Variants in GNG12 observed in about 807,000 individuals in gnomAD.
The protein encoded by GNG12 is G protein subunit gamma 12, also known as guanine nucleotide-binding protein G(I)/G(S)/G(O) subunit gamma-12.
For missense variants in GNG12, 69 were observed against 83.8 expected (o/e 0.82, Z 0.69); for synonymous variants, 28 against 29.7 (o/e 0.94, Z 0.19).
chr1:67,706,089 GAC>G (rs1156873224), intron 3 of GNG12, among the ~76,000 whole-genome samples: 1 of 152,194 alleles, frequency 6.6e-6, no homozygotes, highest in African/African-American at 2.4e-5. Context: ...GAGGGAGAGA[GAC>G]AGTGCAAGCA....
chr1:67,783,417 T>C (rs1437460227), intron 1 of GNG12, among the ~76,000 whole-genome samples: 1 of 152,132 alleles, frequency 6.6e-6, no homozygotes, highest in African/African-American at 2.4e-5. Flanking sequence ...CATACAATAA[T>C]ATCACCAGCA....
intron 2 of GNG12, among the ~76,000 whole-genome samples, chr1:67,720,117 A>T (rs1424664632): frequency 2.0e-5 from 3 of 152,194 alleles, no homozygotes; most frequent in Non-Finnish European, 4.4e-5. Flanking sequence ...CAGCTCTGAG[A>T]AGCCTGGGTG....
intron 2 of GNG12, among the ~76,000 whole-genome samples, chr1:67,737,018 G>A (rs762352878): frequency 6.6e-6 from 1 of 152,212 alleles, no homozygotes; most frequent in Non-Finnish European, 1.5e-5. Flanking sequence ...TGTGCAGCCT[G>A]AATATAAACC....
At chr1:67,738,011 A>G (rs969133465) in intron 2 of GNG12, among the ~76,000 whole-genome samples, 12 of 151,704 alleles carry the variant, frequency 7.9e-5, no homozygotes, top group African/African-American at 2.4e-4. Context: ...ATCATGTCTC[A>G]CTTCAGCCTC....
rs1435570389 is a variant in GNG12, at chr1:67,703,858, C to T, written c.*1593G>A. On this transcript the variant is annotated 3_prime_UTR_variant, in exon 4 of 4. Transcript: ENST00000370982. ...GACATTAGATTTTAAAAGGGGTTTG[C>T]TTTCCAGGACAGATTGTACAAAATT... 6.6e-6 allele frequency: 1 copy of T among 152,204 alleles called. No individual in the cohort carries two copies. The highest frequency in any genetic ancestry group is 2.4e-5 in the African/African-American group (1 of 41,456). 9.4% of individuals were successfully genotyped at this position (152,204 alleles called of 1,614,324 possible).
rs900779498 is a variant in GNG12 at position 67,701,761 on chromosome 1, T to C, written c.*3690A>G. 2 of 152,656 alleles carry C rather than the reference T, an allele frequency of 1.3e-5. No homozygotes were observed. The highest frequency in any genetic ancestry group is 4.8e-5 in the African/African-American group (2 of 41,460). The allele number at this position is 152,656 out of a possible 1,614,324, so 9.5% of individuals were successfully genotyped here. On this transcript the variant is annotated 3_prime_UTR_variant, in exon 4 of 4. Coordinates refer to ENST00000370982, the MANE Select transcript of GNG12 (RefSeq NM_018841.6). ...CAAATTTACTAAGACATCAAGAGAA[T>C]ATCTGTTTGTAGTTACATGGCTAAA...
chr1:67,756,476 G>A (rs937653841), intron 2 of GNG12, among the ~76,000 whole-genome samples: 1 of 152,204 alleles, frequency 6.6e-6, no homozygotes, highest in Admixed American at 6.5e-5. Flanking sequence ...GTTTTCAAGA[G>A]CATGTGGTGC....
chr1:67,833,050 T>A (rs1188311231), intron 1 of GNG12, among the ~76,000 whole-genome samples: 2 of 149,286 alleles, frequency 1.3e-5, no homozygotes, highest in African/African-American at 5.0e-5. Context: ...TCCCGCAACC[T>A]CGGGCGGCCG....
At chr1:67,766,549 G>C (rs571012072) in intron 2 of GNG12, among the ~76,000 whole-genome samples, 1 of 151,898 alleles carries the variant, frequency 6.6e-6, no homozygotes, top group African/African-American at 2.4e-5. Flanking sequence ...CCTCAAACTT[G>C]AGATCACAGC....
At chr1:67,754,848 T>A (rs1050623719) in intron 2 of GNG12, among the ~76,000 whole-genome samples, 1 of 152,156 alleles carries the variant, frequency 6.6e-6, no homozygotes. Flanking sequence ...TAGCAGGCAC[T>A]CCAGCCTGCT....
intron 2 of GNG12, among the ~76,000 whole-genome samples, chr1:67,746,605 C>T (rs1041127745): frequency 3.3e-5 from 5 of 152,140 alleles, no homozygotes; most frequent in Non-Finnish European, 7.4e-5. Flanking sequence ...CATTCCTCTC[C>T]ATCCCTGTGG....
intron 2 of GNG12, among the ~76,000 whole-genome samples, chr1:67,717,716 C>T (rs191354466): frequency 1.6e-4 from 25 of 152,270 alleles, no homozygotes; most frequent in African/African-American, 5.3e-4. Flanking sequence ...AAAAGCATCT[C>T]CTCCCTGGCA....
chr1:67,820,739 G>A (rs1391165096), intron 1 of GNG12, among the ~76,000 whole-genome samples: 1 of 152,184 alleles, frequency 6.6e-6, no homozygotes, highest in Non-Finnish European at 1.5e-5. Flanking sequence ...AATGGAGCCA[G>A]TATTCCCTAG....
At position 67,774,461 on chromosome 1, in the gene GNG12, G is replaced by A. The variant is rs554450761; in HGVS notation, c.-27+2997C>T. On this transcript the variant is annotated intron_variant, in intron 2 of 3. Transcript: ENST00000370982. ...CATAAGAGGAAACAAACCAGATGGT[G>A]AGTGGAGGAAAGTTTTACAAATGCT... 9.2e-5 allele frequency among the ~76,000 whole-genome samples: 14 copies of A among 152,322 alleles called. No homozygotes were observed. The South Asian group carries it at 2.7e-3, about 29-fold the overall frequency.
intron 2 of GNG12, among the ~76,000 whole-genome samples, chr1:67,736,416 G>A (rs1646452861): frequency 6.6e-6 from 1 of 152,152 alleles, no homozygotes; most frequent in African/African-American, 2.4e-5. Context: ...CCACACCACA[G>A]CACCTGAAAC....
At chr1:67,787,607 A>G (rs1275770708) in intron 1 of GNG12, among the ~76,000 whole-genome samples, 1 of 152,112 alleles carries the variant, frequency 6.6e-6, no homozygotes, top group African/African-American at 2.4e-5. Flanking sequence ...TAGGTAATAG[A>G]CCTCTAGAGA....
chr1:67,749,675 G>C (rs1242116297), intron 2 of GNG12, among the ~76,000 whole-genome samples: 1 of 152,164 alleles, frequency 6.6e-6, no homozygotes, highest in African/African-American at 2.4e-5. Flanking sequence ...CAGACTGGTT[G>C]ATCTGGATGC....
intron 1 of GNG12, among the ~76,000 whole-genome samples, chr1:67,783,236 A>G (rs1369993339): frequency 6.6e-6 from 1 of 152,196 alleles, no homozygotes; most frequent in East Asian, 1.9e-4. Context: ...TCCTAAATCA[A>G]TCCCCTAATG....
chr1:67,721,330 T>C (rs1273619225), intron 2 of GNG12, among the ~76,000 whole-genome samples: 1 of 152,190 alleles, frequency 6.6e-6, no homozygotes, highest in African/African-American at 2.4e-5. Flanking sequence ...GCTACAGCTA[T>C]GGTTCTAAAC....
Sources: allele counts gnomAD v4.1 joint callset (sites outside exome capture counted in the v4.1 genomes callset), GRCh38; gene constraint gnomAD v4.1.1; transcripts MANE v1.5; gene names NCBI Gene and HGNC (gene_info 2026-07-23, HGNC 2026-07-21).